Variants in RAD51B observed in about 807,000 individuals in gnomAD.
RAD51B encodes RAD51 paralog B.
Under a neutral mutation model 42.2 loss-of-function variants are expected in RAD51B, and 38 were observed. The observed-to-expected ratio is 0.90, with a 90% confidence interval of 0.70 to 1.18. RAD51B has a LOEUF of 1.18. Among genes scored for constraint, RAD51B ranks in the 50% most tolerant of loss-of-function variants. The pLI is 0.00. For missense variants in RAD51B, 373 were observed against 400.7 expected (o/e 0.93, Z 0.59); for synonymous variants, 154 against 145.2 (o/e 1.06, Z -0.43).
intron 4 of RAD51B, among the ~76,000 whole-genome samples, chr14:67,844,560 G>T (rs1836780569): frequency 6.7e-6 from 1 of 149,944 alleles, no homozygotes; most frequent in Admixed American, 6.6e-5. Flanking sequence ...AGGTCTTTTT[G>T]TTGAATTGAA....
intron 7 of RAD51B, among the ~76,000 whole-genome samples, chr14:67,895,512 A>G (rs2043384100): frequency 1.3e-5 from 2 of 152,142 alleles, no homozygotes; most frequent in Admixed American, 1.3e-4. Flanking sequence ...CCCAAAGTGT[A>G]TTTCTGATCA....
intron 7 of RAD51B, among the ~76,000 whole-genome samples, chr14:68,124,779 C>T (rs1028605259): frequency 2.0e-5 from 3 of 151,986 alleles, no homozygotes; most frequent in Non-Finnish European, 4.4e-5. Flanking sequence ...TGGTGAAACC[C>T]CATCTCTACT....
intron 10 of RAD51B, among the ~76,000 whole-genome samples, chr14:68,626,191 T>C (rs1892077331): frequency 6.6e-6 from 1 of 152,160 alleles, no homozygotes; most frequent in Non-Finnish European, 1.5e-5. Flanking sequence ...ATGGCACAGT[T>C]AGTGAGCAGT....
rs887657524 is a variant in RAD51B, at chr14:67,827,401, A to C, written c.198+1824A>C. 8.6e-5 allele frequency among the ~76,000 whole-genome samples: 13 copies of C among 151,878 alleles called. 1 individual carries two copies. The highest frequency in any genetic ancestry group is 6.4e-3 in the Middle Eastern group (2 of 312). ...CAGTTCAAGAAACCATCTTTCTCCT[A>C]TGGTTTACATTCATTCTTGTAGCAT... On this transcript the variant is annotated intron_variant, in intron 3 of 10. Coordinates refer to ENST00000471583, the MANE Select transcript of RAD51B (RefSeq NM_133510.4).
At chr14:68,676,253 G>A (rs1303201744) in intron 11 of RAD51B, among the ~76,000 whole-genome samples, 1 of 152,168 alleles carries the variant, frequency 6.6e-6, no homozygotes, top group Non-Finnish European at 1.5e-5. Flanking sequence ...GCACAGAGAG[G>A]TTAAAGTGCC....
At chr14:68,186,233 A>T (rs1406620601) in intron 7 of RAD51B, among the ~76,000 whole-genome samples, 2 of 152,232 alleles carry the variant, frequency 1.3e-5, no homozygotes, top group Non-Finnish European at 2.9e-5. Flanking sequence ...TAAAGATTTA[A>T]ATGTAAGACC....
At chr14:68,052,155 A>G (rs1368046437) in intron 7 of RAD51B, among the ~76,000 whole-genome samples, 1 of 152,182 alleles carries the variant, frequency 6.6e-6, no homozygotes, top group Non-Finnish European at 1.5e-5. Flanking sequence ...CACATCTTGA[A>G]GTAACTTACA....
At chr14:68,232,177 C>T (rs1389927096) in intron 7 of RAD51B, among the ~76,000 whole-genome samples, 1 of 152,074 alleles carries the variant, frequency 6.6e-6, no homozygotes, top group Non-Finnish European at 1.5e-5. Context: ...GTCTGTAGTA[C>T]TTTTGGAATA....
intron 8 of RAD51B, among the ~76,000 whole-genome samples, chr14:68,331,866 TC>T (rs1463316948): frequency 6.6e-6 from 1 of 152,226 alleles, no homozygotes; most frequent in Non-Finnish European, 1.5e-5. Context: ...GAATATCAAT[TC>T]TGCAAACTGG....
At position 68,250,567 on chromosome 14, in the gene RAD51B, G is replaced by A. The variant is rs112145048; in HGVS notation, c.757-41317G>A. Among the ~76,000 whole-genome samples, 1,397 of 152,260 alleles carry A rather than the reference G, an allele frequency of 9.2e-3. 25 individuals are homozygous for A. The highest frequency in any genetic ancestry group is 0.032 in the African/African-American group (1,322 of 41,532). On this transcript the variant is annotated intron_variant, in intron 7 of 10. Coordinates refer to ENST00000471583, the MANE Select transcript of RAD51B (RefSeq NM_133510.4). ...TGTTTCCAAAATGAACAACACAATGGTAGTGCTATTATTGTTTTAAGGAGA... is the reference window on the plus strand; with the variant it reads ...TGTTTCCAAAATGAACAACACAATGATAGTGCTATTATTGTTTTAAGGAGA...
chr14:68,362,434 G>C (rs2083044656), intron 8 of RAD51B, among the ~76,000 whole-genome samples: 1 of 152,222 alleles, frequency 6.6e-6, no homozygotes, highest in South Asian at 2.1e-4. Context: ...CCATTTTACA[G>C]ATAAGAAGGT....
chr14:68,451,680 A>G (rs2085560645), intron 9 of RAD51B, among the ~76,000 whole-genome samples: 1 of 152,158 alleles, frequency 6.6e-6, no homozygotes, highest in South Asian at 2.1e-4. Context: ...TAACAGAGAG[A>G]ATTAATTTGA....
Position 68,665,836 on chromosome 14 carries a change from C to G in RAD51B, c.*11+14980C>G, listed in dbSNP as rs796086326. ...GGGGAATCCCACACCATGCCCTGCT[C>G]TCAGTCCATGAGATTTCAGTGCAGC... On this transcript the variant is annotated intron_variant, in intron 11 of 11. Coordinates refer to the RAD51B transcript ENST00000488612. Among the ~76,000 whole-genome samples the G allele has an allele frequency of 4.6e-5, 7 of 152,342 alleles. 1 individual carries two copies. The highest frequency in any genetic ancestry group is 1.7e-4 in the African/African-American group (7 of 41,596).
At chr14:68,178,499 C>T (rs1274892679) in intron 7 of RAD51B, among the ~76,000 whole-genome samples, 3 of 152,160 alleles carry the variant, frequency 2.0e-5, no homozygotes, top group South Asian at 2.1e-4. Context: ...TTTAAGACTT[C>T]GATCATAAGT....
intron 7 of RAD51B, among the ~76,000 whole-genome samples, chr14:68,277,080 C>G (rs1379120586): frequency 6.6e-6 from 1 of 152,190 alleles, no homozygotes; most frequent in East Asian, 1.9e-4. Context: ...CAATCTCACT[C>G]TGAACCTCCT....
intron 10 of RAD51B, among the ~76,000 whole-genome samples, chr14:68,601,790 C>T (rs1240064873): frequency 1.3e-5 from 2 of 152,170 alleles, no homozygotes; most frequent in Non-Finnish European, 2.9e-5. Flanking sequence ...CCTCACTCTG[C>T]ATTTTCCTTG....
At chr14:68,396,260 A>G (rs1437127663) in intron 8 of RAD51B, among the ~76,000 whole-genome samples, 1 of 152,186 alleles carries the variant, frequency 6.6e-6, no homozygotes, top group African/African-American at 2.4e-5. Context: ...CACTTGGAAT[A>G]GTTTCTGGAA....
chr14:68,054,518 T>C (rs2076443675), intron 7 of RAD51B, among the ~76,000 whole-genome samples: 1 of 152,206 alleles, frequency 6.6e-6, no homozygotes, highest in Non-Finnish European at 1.5e-5. Context: ...CTCCCTTCCA[T>C]GTTTTTAGCT....
At chr14:67,844,385 A>G (rs894566196) in intron 4 of RAD51B, among the ~76,000 whole-genome samples, 2 of 151,704 alleles carry the variant, frequency 1.3e-5, no homozygotes, top group Non-Finnish European at 2.9e-5. Context: ...TCAAGTGTTG[A>G]GTTCAGGTCT....
Sources: allele counts gnomAD v4.1 joint callset (sites outside exome capture counted in the v4.1 genomes callset), GRCh38; gene constraint gnomAD v4.1.1; transcripts MANE v1.5; gene names NCBI Gene and HGNC (gene_info 2026-07-23, HGNC 2026-07-21).